RARB: variants seen among roughly 807,000 people sequenced by gnomAD.
RARB encodes the protein retinoic acid receptor beta.
In RARB, 17 loss-of-function variants were observed where a neutral mutation model predicts 51.9. The observed-to-expected ratio is 0.33, with a 90% CI of 0.22 to 0.49. The LOEUF (loss-of-function observed/expected upper bound fraction) is 0.49. Among genes scored for constraint, RARB ranks in the 20% least tolerant of loss-of-function variants. The pLI, the probability that RARB is intolerant of heterozygous loss-of-function variation, is 0.99. For synonymous variants in RARB, 215 were observed against 195.4 expected (o/e 1.10, Z -0.84); for missense variants, 369 against 550.8 (o/e 0.67, Z 3.30).
chr3:25,466,933 G>A (rs568316863), intron 2 of RARB, among the ~76,000 whole-genome samples: 2 of 152,336 alleles, frequency 1.3e-5, no homozygotes, highest in African/African-American at 4.8e-5. Flanking sequence ...CTCAGAAGCT[G>A]GTGCCCCAAA....
At chr3:24,970,875 C>G (rs1191549161) in intron 2 of RARB, among the ~76,000 whole-genome samples, 2 of 151,972 alleles carry the variant, frequency 1.3e-5, no homozygotes, top group Non-Finnish European at 2.9e-5. Flanking sequence ...TGTGGACATT[C>G]ATGTCAATTG....
At position 24,912,975 on chromosome 3, in the gene RARB, C is replaced by CTTTTTTTTTTTTTTTT. The variant is rs386396163; in HGVS notation, c.-380+54230_-380+54245dup. 3.6e-4 allele frequency among the ~76,000 whole-genome samples: 27 copies of CTTTTTTTTTTTTTTTT among 75,046 alleles called. 5 individuals are homozygous for CTTTTTTTTTTTTTTTT. Among genetic ancestry groups the CTTTTTTTTTTTTTTTT allele is most frequent in the Non-Finnish European group, 4.6e-4 (18 of 38,988 alleles). 49.2% of individuals were successfully genotyped at this position (75,046 alleles called of 152,430 possible). ...GCAATACGCACACAAGGTACTGATT[C>CTTTTTTTTTTTTTTTT]TTTTTTTTTTTTTTTTTTTTTTGGA... On this transcript the variant is annotated intron_variant, in intron 2 of 11. Coordinates refer to the RARB transcript ENST00000383772.
intron 2 of RARB, among the ~76,000 whole-genome samples, chr3:25,478,374 A>T (rs1696063002): frequency 1.3e-5 from 2 of 152,190 alleles, no homozygotes; most frequent in Non-Finnish European, 2.9e-5. Context: ...CTCTTTCTTC[A>T]GTTAGATGCC....
At chr3:25,132,787 C>T (rs1389932202) in intron 4 of RARB, among the ~76,000 whole-genome samples, 1 of 151,830 alleles carries the variant, frequency 6.6e-6, no homozygotes, top group Non-Finnish European at 1.5e-5. Context: ...TAGCCTGACT[C>T]CATGATTCCA....
chr3:25,269,062 A>C (rs1044420409), intron 5 of RARB, among the ~76,000 whole-genome samples: 2 of 152,206 alleles, frequency 1.3e-5, no homozygotes, highest in South Asian at 4.1e-4. Flanking sequence ...GAATACCAAA[A>C]GTAATTATGA....
upstream of RARB, among the ~76,000 whole-genome samples, chr3:25,426,035 C>T (rs944479021): frequency 5.9e-5 from 9 of 152,172 alleles, no homozygotes; most frequent in African/African-American, 1.9e-4. Context: ...TCATCCACCT[C>T]CACTGTCCGG....
chr3:25,406,112 G>A (rs6783726), intron 5 of RARB, among the ~76,000 whole-genome samples: 50,111 of 151,872 alleles, frequency 0.33, 8,468 homozygotes, highest in Admixed American at 0.42. Context: ...CTCCATTCCC[G>A]TGACTCTGAC....
intron 2 of RARB, among the ~76,000 whole-genome samples, chr3:24,890,375 T>G (rs1380475475): frequency 6.6e-6 from 1 of 152,186 alleles, no homozygotes; most frequent in Admixed American, 6.5e-5. Flanking sequence ...TTCCAGAAAT[T>G]GAAGAATCAC....
At chr3:25,025,418 G>T (rs1697726063) in intron 2 of RARB, among the ~76,000 whole-genome samples, 1 of 152,192 alleles carries the variant, frequency 6.6e-6, no homozygotes, top group African/African-American at 2.4e-5. Context: ...CTTGTGCCAA[G>T]CCCTGGGGGA....
intron 3 of RARB, among the ~76,000 whole-genome samples, chr3:25,517,639 C>T (rs1559446831): frequency 1.3e-5 from 2 of 152,040 alleles, no homozygotes; most frequent in South Asian, 2.1e-4. Flanking sequence ...CATTTTACTC[C>T]TAAGTATATA....
chr3:25,214,607 T>G (rs1003812400), intron 5 of RARB, among the ~76,000 whole-genome samples: 9 of 152,166 alleles, frequency 5.9e-5, no homozygotes, highest in African/African-American at 2.2e-4. Context: ...CCTCAATATT[T>G]TAACAGGGCG....
intron 2 of RARB, among the ~76,000 whole-genome samples, chr3:24,932,522 A>G (rs1026126099): frequency 6.6e-6 from 1 of 152,150 alleles, no homozygotes; most frequent in African/African-American, 2.4e-5. Flanking sequence ...TACTCTACAT[A>G]TGCGTATGCA....
intron 4 of RARB, among the ~76,000 whole-genome samples, chr3:25,150,155 C>T (rs1575183212): frequency 1.3e-5 from 2 of 151,230 alleles, no homozygotes; most frequent in Non-Finnish European, 2.9e-5. Flanking sequence ...GAGCCGAGAT[C>T]GCATCACTGC....
intron 3 of RARB, among the ~76,000 whole-genome samples, chr3:25,516,150 CA>C (rs1364866239): frequency 3.3e-5 from 5 of 152,168 alleles, no homozygotes; most frequent in African/African-American, 9.7e-5. Context: ...TCTAATACCC[CA>C]AATTGCATCA....
At chr3:24,831,571 TA>T (rs1243815449) in intron 1 of RARB, among the ~76,000 whole-genome samples, 1 of 151,836 alleles carries the variant, frequency 6.6e-6, no homozygotes, top group African/African-American at 2.4e-5. Context: ...ATCATTTGCA[TA>T]AATGAATAGC....
intron 5 of RARB, among the ~76,000 whole-genome samples, chr3:25,330,783 G>A (rs1704869865): frequency 6.6e-6 from 1 of 152,114 alleles, no homozygotes; most frequent in Admixed American, 6.6e-5. Flanking sequence ...CACGTGCAGA[G>A]ACACACATAG....
At chr3:25,251,639 A>G (rs1037453460) in intron 5 of RARB, among the ~76,000 whole-genome samples, 9 of 152,130 alleles carry the variant, frequency 5.9e-5, no homozygotes, top group Admixed American at 5.2e-4. Context: ...TCATGTGCCT[A>G]TTGGCTATTT....
At chr3:25,365,195 C>G (rs903475263) in intron 5 of RARB, among the ~76,000 whole-genome samples, 4 of 85,858 alleles carry the variant, frequency 4.7e-5, no homozygotes, top group Admixed American at 2.5e-4. Context: ...TGTTTTCTTT[C>G]TTTCTTTTTT....
At chr3:25,117,190 AC>A (rs2125327653) in intron 3 of RARB, among the ~76,000 whole-genome samples, 1 of 152,326 alleles carries the variant, frequency 6.6e-6, no homozygotes, top group South Asian at 2.1e-4. Context: ...ATGGCAGAGA[AC>A]AAACTGTTCA....
Sources: gnomAD v4.1 joint callset for allele counts (sites outside exome capture counted in the v4.1 genomes callset) on GRCh38, gnomAD v4.1.1 for gene constraint, MANE v1.5 for transcripts, NCBI Gene and HGNC (gene_info 2026-07-23, HGNC 2026-07-21) for gene names.